Variants in PADI2 observed in about 807,000 individuals in gnomAD.
PADI2 encodes the protein peptidyl arginine deiminase 2, also known as protein-arginine deiminase type-2.
Under a neutral mutation model 81.1 loss-of-function variants are expected in PADI2, and 70 were observed. That is an observed-to-expected ratio of 0.86 (90% CI 0.71 to 1.05). PADI2 has a LOEUF of 1.05. PADI2 is among the 50% of genes least tolerant of loss of function. The pLI, the probability that PADI2 is intolerant of heterozygous loss-of-function variation, is 0.00. For missense variants in PADI2, 853 were observed against 889.9 expected (o/e 0.96, Z 0.53); for synonymous variants, 338 against 358.0 (o/e 0.94, Z 0.63).
chr1:17,112,138 G>T (rs2100214008), intron 1 of PADI2, among the ~76,000 whole-genome samples: 1 of 152,234 alleles, frequency 6.6e-6, no homozygotes, highest in Non-Finnish European at 1.5e-5. Flanking sequence ...GGGAGGAGGT[G>T]GCTGCAGCTG....
At chr1:17,077,413 A>T (rs2647197) in intron 11 of PADI2, among the ~76,000 whole-genome samples, 61 of 151,954 alleles carry the variant, frequency 4.0e-4, no homozygotes, top group Admixed American at 4.0e-3. Flanking sequence ...TAGTTTCTCA[A>T]TAAATATTTG....
intron 10 of PADI2, among the ~76,000 whole-genome samples, chr1:17,081,406 G>T (rs1049026044): frequency 5.3e-5 from 8 of 152,230 alleles, no homozygotes; most frequent in African/African-American, 1.9e-4. Context: ...TCACATGGCT[G>T]CTAAGAGGTG....
At chr1:17,071,573 CT>C in intron 13 of PADI2, 82 bp from the exon 14 acceptor site, 1 of 1,075,958 alleles carries the variant, frequency 9.3e-7, no homozygotes. Flanking sequence ...TCCTCCAGGC[CT>C]GGGCTAACTG....
intron 4 of PADI2, among the ~76,000 whole-genome samples, chr1:17,095,223 G>A (rs1164504691): frequency 1.3e-5 from 2 of 152,170 alleles, no homozygotes; most frequent in African/African-American, 4.8e-5. Flanking sequence ...CTAAAAACTA[G>A]GTTGAGGGAA....
Position 17,100,046 on chromosome 1 carries a change from G to T in PADI2, c.349+2941C>A, listed in dbSNP as rs987824799. Among the ~76,000 whole-genome samples, 8 of 26,772 alleles carry T rather than the reference G, an allele frequency of 3.0e-4. 1 individual carries two copies. In the South Asian group the frequency reaches 6.1e-3, roughly 20 times the overall value. The allele number at this position is 26,772 out of a possible 152,430, so 17.6% of individuals were successfully genotyped here. ...CCCAGCCTCTCAAGATATTGGGGTT[G>T]GGGGGGGGCTTGCCTCTGAGGCGCT... On this transcript the variant is annotated intron_variant, in intron 3 of 15. Transcript: ENST00000375486.
chr1:17,085,066 C>T (rs1179745824), intron 7 of PADI2, among the ~76,000 whole-genome samples: 13 of 152,228 alleles, frequency 8.5e-5, no homozygotes, highest in Non-Finnish European at 1.8e-4. Context: ...CCTATCTTGT[C>T]CCATCAAACT....
At chr1:17,116,625 A>G (rs576774900) in intron 1 of PADI2, among the ~76,000 whole-genome samples, 79 of 152,272 alleles carry the variant, frequency 5.2e-4, no homozygotes, top group African/African-American at 1.8e-3. Flanking sequence ...TTAGGGTCAC[A>G]TAGGACAGAG....
chr1:17,097,076 T>C (rs2746512), intron 3 of PADI2, among the ~76,000 whole-genome samples: 6,587 of 152,240 alleles, frequency 0.043, 462 homozygotes, highest in African/African-American at 0.15. Context: ...AGGGATGTGG[T>C]TGGGAAGGTG....
intron 11 of PADI2, chr1:17,078,891 T>C (rs9435752): frequency 0.56 from 87,634 of 157,576 alleles, 24,615 homozygotes; most frequent in Non-Finnish European, 0.58. Flanking sequence ...AGAAAGGGTT[T>C]TGCCATGTTG....
intron 4 of PADI2, 121 bp downstream of exon 4, chr1:17,095,788 C>A (rs1475078486): frequency 4.2e-6 from 3 of 711,386 alleles, no homozygotes; most frequent in Non-Finnish European, 7.3e-6. Context: ...TGCTGTGTGT[C>A]TGGGAGCCTG....
chr1:17,117,097 C>T (rs1415532528), intron 1 of PADI2, among the ~76,000 whole-genome samples: 7 of 152,148 alleles, frequency 4.6e-5, no homozygotes, highest in African/African-American at 1.4e-4. Context: ...AAAGAAATAT[C>T]GAGCCCAAAA....
intron 3 of PADI2, among the ~76,000 whole-genome samples, chr1:17,096,807 A>G (rs1158172688): frequency 6.6e-6 from 1 of 152,152 alleles, no homozygotes; most frequent in Non-Finnish European, 1.5e-5. Context: ...CAGTTTCCTC[A>G]CTTGTAACAT....
chr1:17,093,479 C>A, intron 5 of PADI2, 88 bp downstream of exon 5: 3 of 851,610 alleles, frequency 3.5e-6, no homozygotes, highest in South Asian at 1.6e-5. Flanking sequence ...TGAGTCCACA[C>A]CTGCCTCACC....
intron 10 of PADI2, among the ~76,000 whole-genome samples, chr1:17,081,434 C>T (rs72895889): frequency 5.9e-4 from 90 of 152,266 alleles, no homozygotes; most frequent in African/African-American, 1.9e-3. Flanking sequence ...GACTCAAGAC[C>T]GGGTCCACCT....
intron 3 of PADI2, among the ~76,000 whole-genome samples, chr1:17,102,753 G>GGT (rs888766652): frequency 1.5e-5 from 2 of 136,886 alleles, no homozygotes; most frequent in Admixed American, 6.9e-5. Flanking sequence ...TTGACACTTG[G>GGT]GGGGGGGTTG....
chr1:17,116,412 C>T (rs987967632), intron 1 of PADI2, among the ~76,000 whole-genome samples: 7 of 152,254 alleles, frequency 4.6e-5, no homozygotes, highest in South Asian at 2.1e-4. Flanking sequence ...CCAGCACCCC[C>T]GGGCCTTGTT....
intron 6 of PADI2, among the ~76,000 whole-genome samples, chr1:17,087,266 C>T (rs537335682): frequency 1.4e-4 from 21 of 152,136 alleles, no homozygotes; most frequent in Non-Finnish European, 2.6e-4. Context: ...TGTGGCTGGG[C>T]GGAAAGATAG....
intron 11 of PADI2, among the ~76,000 whole-genome samples, chr1:17,076,306 C>T (rs144800424): frequency 0.6 from 90,850 of 151,474 alleles, 27,647 homozygotes; most frequent in Middle Eastern, 0.7. Flanking sequence ...CCTCTGCCTC[C>T]CGGGTTCAAG....
At position 17,074,865 on chromosome 1, in the gene PADI2, T is replaced by C. The variant is rs149737469; in HGVS notation, c.1540A>G (p.Met514Val). The change falls in exon 13 of 16, where the codon ATG becomes GTG. Residue 514 changes from methionine (M) to valine (V), a missense_variant. Transcript: ENST00000375486. ...KQKDGHGEAI[M>V]FKGLGGMSSK... Reference sequence around the variant, plus strand: ...CCCTGTGGCCACTCACCTTTGAACATGATGGCCTCTCCATGGCCGTCCTTC... The same window carrying C: ...CCCTGTGGCCACTCACCTTTGAACACGATGGCCTCTCCATGGCCGTCCTTC... 7.3e-5 allele frequency: 118 copies of C among 1,609,436 alleles called. No homozygotes were observed. Among genetic ancestry groups the C allele is most frequent in the Non-Finnish European group, 9.3e-5 (110 of 1,176,732 alleles).
Sources: gnomAD v4.1 joint callset for allele counts (sites outside exome capture counted in the v4.1 genomes callset) on GRCh38, gnomAD v4.1.1 for gene constraint, MANE v1.5 for transcripts, NCBI Gene and HGNC (gene_info 2026-07-23, HGNC 2026-07-21) for gene names.